Variants in PPP2R5C observed in about 807,000 individuals in gnomAD.
PPP2R5C encodes the protein serine/threonine-protein phosphatase 2A 56 kDa regulatory subunit gamma isoform.
In PPP2R5C, 7 loss-of-function variants were observed where a neutral mutation model predicts 68.9. The observed-to-expected ratio is 0.10, with a 90% CI of 0.06 to 0.19. PPP2R5C has a LOEUF of 0.19. PPP2R5C is among the 10% of genes least tolerant of loss of function. The probability of loss-of-function intolerance (pLI) is 1.00; values close to 1 mark genes in which losing one functional copy is unlikely to be tolerated. For synonymous variants in PPP2R5C, 210 were observed against 222.2 expected (o/e 0.95, Z 0.49); for missense variants, 348 against 641.3 (o/e 0.54, Z 4.94).
intron 2 of PPP2R5C, among the ~76,000 whole-genome samples, chr14:101,775,543 C>T (rs1001957347): frequency 2.6e-5 from 4 of 152,126 alleles, no homozygotes; most frequent in East Asian, 1.9e-4. Flanking sequence ...ACTAATGGGG[C>T]GTTGTCCCTG....
intron 1 of PPP2R5C, among the ~76,000 whole-genome samples, chr14:101,816,907 T>TATA (rs1555385499): frequency 1.4e-5 from 2 of 139,290 alleles, no homozygotes; most frequent in Admixed American, 7.5e-5. Flanking sequence ...TAAATATATA[T>TATA]ATAATATATA....
At chr14:101,813,791 C>T (rs2039505270) in intron 1 of PPP2R5C, among the ~76,000 whole-genome samples, 1 of 152,202 alleles carries the variant, frequency 6.6e-6, no homozygotes, top group Non-Finnish European at 1.5e-5. Flanking sequence ...GGAGTAGCTC[C>T]AGCCTGGTGG....
At position 101,888,780 on chromosome 14, in the gene PPP2R5C, T is replaced by A. The variant is rs1312203240; in HGVS notation, c.630-1457T>A. 4.0e-5 allele frequency among the ~76,000 whole-genome samples: 6 copies of A among 151,864 alleles called. No homozygotes were observed. On this transcript the variant is annotated intron_variant, in intron 5 of 13. Coordinates refer to ENST00000334743, the Ensembl canonical transcript of PPP2R5C. The surrounding 1 kb of genome is among the most constrained non-coding windows in gnomAD (Gnocchi z 5.6). ...CTAATTTTTATATATTTAGTAGAGG[T>A]GGAGTTTTGCCATGTTGGCCAGGCC...
intron 13 of PPP2R5C, chr14:101,922,034 A>G (rs781234993): frequency 4.8e-5 from 47 of 985,148 alleles, no homozygotes; most frequent in Non-Finnish European, 5.3e-5. Context: ...AGGTGTAGAG[A>G]GACGGAAGGT....
At chr14:101,851,471 C>G (rs1207667537) in intron 1 of PPP2R5C, among the ~76,000 whole-genome samples, 1 of 152,134 alleles carries the variant, frequency 6.6e-6, no homozygotes, top group Non-Finnish European at 1.5e-5. Flanking sequence ...GCTGAGGGTG[C>G]TGCTTGACCT....
chr14:101,830,959 TTTATTG>T (rs1374989078), intron 1 of PPP2R5C, among the ~76,000 whole-genome samples: 2 of 152,302 alleles, frequency 1.3e-5, no homozygotes, highest in East Asian at 3.9e-4. Context: ...GTATTGGAGC[TTTATTG>T]TAAGTTTCTT....
chr14:101,870,622 G>T (rs2043343760), intron 2 of PPP2R5C, among the ~76,000 whole-genome samples: 1 of 152,094 alleles, frequency 6.6e-6, no homozygotes, highest in African/African-American at 2.4e-5. Context: ...AAATTGTTTT[G>T]ACTATTCTAG....
At chr14:101,843,100 T>C (rs191027460) in intron 1 of PPP2R5C, among the ~76,000 whole-genome samples, 1 of 152,222 alleles carries the variant, frequency 6.6e-6, no homozygotes, top group East Asian at 1.9e-4. Flanking sequence ...TGGTGGCATG[T>C]GCCTGTGGTT....
chr14:101,884,906 G>A (rs574896470), intron 5 of PPP2R5C, among the ~76,000 whole-genome samples: 2 of 152,394 alleles, frequency 1.3e-5, no homozygotes, highest in East Asian at 3.9e-4. Flanking sequence ...GTGGCACCAA[G>A]TGAATGTCAA....
At chr14:101,793,078 A>G (rs771251151) in intron 3 of PPP2R5C, among the ~76,000 whole-genome samples, 14 of 151,948 alleles carry the variant, frequency 9.2e-5, no homozygotes, top group African/African-American at 3.1e-4. Flanking sequence ...GGGTTTCACT[A>G]TGTTGGCCAG....
chr14:101,816,023 A>G (rs2039645768), intron 1 of PPP2R5C, among the ~76,000 whole-genome samples: 1 of 152,214 alleles, frequency 6.6e-6, no homozygotes, highest in Admixed American at 6.5e-5. Context: ...GAAGCTCATG[A>G]GAAGCTGTAC....
intron 7 of PPP2R5C, among the ~76,000 whole-genome samples, chr14:101,893,772 T>C (rs2045122700): frequency 1.3e-5 from 2 of 152,150 alleles, no homozygotes; most frequent in African/African-American, 4.8e-5. Context: ...AATAAATGAA[T>C]GAATAAAGCT....
chr14:101,781,969 C>T lies in PPP2R5C; in HGVS notation c.94-4049C>T, dbSNP rs1184961770. Among the ~76,000 whole-genome samples, 1 of 151,556 alleles carries T rather than the reference C, an allele frequency of 6.6e-6. No individual in the cohort carries two copies. The highest frequency in any genetic ancestry group is 1.5e-5 in the Non-Finnish European group (1 of 67,798). On this transcript the variant is annotated intron_variant, in intron 2 of 14. Transcript: ENST00000328724. This position sits in a 1 kb window ranked among gnomAD's most constrained non-coding sequence, Gnocchi z 6.4. ...TCTGGGCAGCTGCTCCCAAGGGAGC[C>T]CCTCGCCCTCTCTCTCTCCTTCCCT... is the stretch of plus-strand genomic sequence containing the variant.
chr14:101,863,787 A>T (rs1322444080), intron 2 of PPP2R5C, among the ~76,000 whole-genome samples: 1 of 152,178 alleles, frequency 6.6e-6, no homozygotes, highest in Non-Finnish European at 1.5e-5. Context: ...AATCCCAGCT[A>T]CTTGGAAGAC....
chr14:101,823,946 G>A (rs1315369431), intron 1 of PPP2R5C: 1 of 1,286,974 alleles, frequency 7.8e-7, no homozygotes, highest in East Asian at 5.6e-5. Flanking sequence ...ACGAAGGTAA[G>A]GTTGTACTTT....
At chr14:101,772,640 T>G (rs2037210882) in intron 2 of PPP2R5C, among the ~76,000 whole-genome samples, 1 of 151,920 alleles carries the variant, frequency 6.6e-6, no homozygotes, top group Non-Finnish European at 1.5e-5. Flanking sequence ...ATTAAAAATT[T>G]TTTTTAAAAG....
rs185705688 is a variant in PPP2R5C at position 101,869,857 on chromosome 14, G to C, written c.295-12304G>C. On this transcript the variant is annotated intron_variant, in intron 2 of 13. Transcript: ENST00000334743. ...AGTAGAGACAAGGTCTCACTGTGTT[G>C]CCCAAGCTGGTCTCGAACTCCTGAG... Among the ~76,000 whole-genome samples, 188 of 152,058 alleles carry C rather than the reference G, an allele frequency of 1.2e-3. 1 individual carries two copies. The highest frequency in any genetic ancestry group is 4.2e-3 in the African/African-American group (174 of 41,500).
upstream of PPP2R5C, chr14:101,761,711 C>CGCCGTGGCT (rs1181211368): frequency 1.5e-6 from 1 of 650,110 alleles, no homozygotes; most frequent in African/African-American, 2.1e-5. Flanking sequence ...CCGCCGCCGC[C>CGCCGTGGCT]GCCGTGGCTG....
At chr14:101,766,766 C>T (rs1351638907) in intron 2 of PPP2R5C, 2 of 152,210 alleles carry the variant, frequency 1.3e-5, no homozygotes, top group Non-Finnish European at 2.9e-5. Context: ...TTGGAAAATT[C>T]TGTGGAGATT....
Sources: gnomAD v4.1 joint callset for allele counts (sites outside exome capture counted in the v4.1 genomes callset) on GRCh38, gnomAD v4.1.1 for gene constraint, Gnocchi (gnomAD v3.1) non-coding constraint, MANE v1.5 for transcripts, NCBI Gene and HGNC (gene_info 2026-07-23, HGNC 2026-07-21) for gene names.